SNX29: variants seen among roughly 807,000 people sequenced by gnomAD.
SNX29 encodes the protein sorting nexin-29.
In SNX29, 78 loss-of-function variants were observed where a neutral mutation model predicts 102.1. The ratio of observed to expected loss-of-function variants is 0.76; its 90% CI spans 0.64 to 0.92. The LOEUF is 0.92. Among genes scored for constraint, SNX29 ranks in the 40% least tolerant of loss-of-function variants. SNX29 has a pLI of 0.00. For missense variants in SNX29, 1,280 were observed against 1,061.7 expected (o/e 1.21, Z -2.86); for synonymous variants, 580 against 414.5 (o/e 1.40, Z -4.85).
At chr16:12,081,034 G>GA (rs1596805728) in intron 11 of SNX29, among the ~76,000 whole-genome samples, 1 of 151,896 alleles carries the variant, frequency 6.6e-6, no homozygotes, top group East Asian at 1.9e-4. Flanking sequence ...TTTATTTTTT[G>GA]AAAAAGGAAG....
At chr16:12,337,922 C>T (rs749445708) in intron 15 of SNX29, among the ~76,000 whole-genome samples, 22 of 152,136 alleles carry the variant, frequency 1.4e-4, no homozygotes, top group Non-Finnish European at 2.6e-4. Context: ...GAGGAACGGT[C>T]GGGTGACACT....
At chr16:11,986,405 A>C (rs939791110) in intron 1 of SNX29, among the ~76,000 whole-genome samples, 27 of 151,912 alleles carry the variant, frequency 1.8e-4, no homozygotes, top group Admixed American at 3.3e-4. Context: ...AAAACCCAAA[A>C]TGACATTAAA....
chr16:12,041,824 T>C (rs570657672), intron 4 of SNX29, among the ~76,000 whole-genome samples: 1 of 152,338 alleles, frequency 6.6e-6, no homozygotes, highest in African/African-American at 2.4e-5. Context: ...TAAGGTAATA[T>C]TCAGAGAATT....
intron 4 of SNX29, among the ~76,000 whole-genome samples, chr16:12,041,349 T>A (rs1412071828): frequency 1.3e-5 from 2 of 152,220 alleles, no homozygotes; most frequent in African/African-American, 4.8e-5. Flanking sequence ...TGACCTCAGA[T>A]GATCCGCTCG....
intron 19 of SNX29, among the ~76,000 whole-genome samples, chr16:12,486,170 C>T (rs538149836): frequency 2.6e-5 from 4 of 152,300 alleles, no homozygotes; most frequent in East Asian, 1.9e-4. Context: ...CTCTGTCTTC[C>T]GTGTTGCCTC....
chr16:12,263,966 C>T (rs1241405591), intron 14 of SNX29, among the ~76,000 whole-genome samples: 1 of 152,202 alleles, frequency 6.6e-6, no homozygotes, highest in Non-Finnish European at 1.5e-5. Flanking sequence ...ACTTCAATGA[C>T]CTCCACCACC....
At chr16:12,066,067 C>T (rs745398045) in intron 9 of SNX29, among the ~76,000 whole-genome samples, 1 of 152,188 alleles carries the variant, frequency 6.6e-6, no homozygotes, top group African/African-American at 2.4e-5. Context: ...GGGCAATCAC[C>T]TGGGACCGTG....
At chr16:12,497,156 A>T (rs542247500) in intron 19 of SNX29, among the ~76,000 whole-genome samples, 1 of 152,334 alleles carries the variant, frequency 6.6e-6, no homozygotes, top group Non-Finnish European at 1.5e-5. Context: ...TCTGGGGAGG[A>T]CAGCCACCTG....
chr16:12,389,727 C>T (rs758532363), intron 16 of SNX29, among the ~76,000 whole-genome samples: 1 of 152,170 alleles, frequency 6.6e-6, no homozygotes. Flanking sequence ...AACCTACCCT[C>T]ATAGGAGAAC....
At chr16:12,051,493 C>T (rs2050300762) in intron 7 of SNX29, among the ~76,000 whole-genome samples, 1 of 152,286 alleles carries the variant, frequency 6.6e-6, no homozygotes, top group South Asian at 2.1e-4. Context: ...CTACACCCCC[C>T]AGCTGGTTCT....
intron 16 of SNX29, among the ~76,000 whole-genome samples, chr16:12,361,833 G>A (rs12102608): frequency 0.52 from 78,778 of 151,932 alleles, 20,978 homozygotes; most frequent in Non-Finnish European, 0.59. Context: ...AAAAAAGGGT[G>A]AAATAAATTT....
chr16:12,300,234 G>A (rs1253243062), intron 15 of SNX29, among the ~76,000 whole-genome samples: 3 of 152,196 alleles, frequency 2.0e-5, no homozygotes, highest in Non-Finnish European at 4.4e-5. Context: ...TAATCTCCAT[G>A]TAGTTTTAAT....
intron 14 of SNX29, among the ~76,000 whole-genome samples, chr16:12,269,843 T>C (rs140129133): frequency 3.1e-3 from 335 of 107,814 alleles, no homozygotes; most frequent in Non-Finnish European, 4.5e-3. Context: ...ATCACCATCA[T>C]CATCATCATC....
At chr16:12,562,671 A>AC (rs1598076161) in intron 20 of SNX29, among the ~76,000 whole-genome samples, 3 of 152,098 alleles carry the variant, frequency 2.0e-5, no homozygotes, top group African/African-American at 7.2e-5. Flanking sequence ...GAAAGTCTAG[A>AC]TTTACAGGCA....
In SNX29 at chr16:12,356,380, G is replaced by A. The variant is rs569939816; in HGVS notation, c.1899+101G>A. On this transcript the variant is annotated intron_variant, in intron 16 of 20. Transcript: ENST00000566228. ...CAGAGCAAGCAACCATGCATCCACT[G>A]GCCAGATTTGCCCACATTCACCTCT... 30 of 1,071,130 alleles carry A rather than the reference G, an allele frequency of 2.8e-5. No individual in the cohort carries two copies. In the South Asian group the frequency reaches 4.2e-4, roughly 15 times the overall value. 66.4% of individuals were successfully genotyped at this position (1,071,130 alleles called of 1,614,324 possible). A position where few individuals can be genotyped will look rare whatever the true frequency, so the allele number is the denominator to read the frequency against.
chr16:12,418,230 T>C (rs1322688869), intron 18 of SNX29, among the ~76,000 whole-genome samples: 3 of 152,258 alleles, frequency 2.0e-5, no homozygotes, highest in Non-Finnish European at 2.9e-5. Flanking sequence ...GCCTTAACTC[T>C]AAATACCACT....
intron 11 of SNX29, among the ~76,000 whole-genome samples, chr16:12,116,867 T>A (rs112098640): frequency 0.021 from 2,659 of 123,958 alleles, 95 homozygotes; most frequent in African/African-American, 0.077. Flanking sequence ...GGAAACAGGC[T>A]TAGTCAATAC....
At position 12,518,855 on chromosome 16, in the gene SNX29, G is replaced by A. The variant is rs147985391; in HGVS notation, c.2179-5847G>A. Among the ~76,000 whole-genome samples, 50 of 152,282 alleles carry A rather than the reference G, an allele frequency of 3.3e-4. 1 individual carries two copies. In the South Asian group the frequency reaches 7.7e-3, roughly 23 times the overall value. ...GATTTCGCTGCATTCCCACAGAGCC[G>A]GTAAATGGTACTGCAGGTCTCTGAC... On this transcript the variant is annotated intron_variant, in intron 19 of 20. Transcript: ENST00000566228.
chr16:12,093,079 C>T (rs1460786539), intron 11 of SNX29, among the ~76,000 whole-genome samples: 1 of 152,206 alleles, frequency 6.6e-6, no homozygotes, highest in East Asian at 1.9e-4. Context: ...GGTGAATCAA[C>T]AACTGTCTTT....
Sources: gnomAD v4.1 joint callset for allele counts (sites outside exome capture counted in the v4.1 genomes callset) on GRCh38, gnomAD v4.1.1 for gene constraint, MANE v1.5 for transcripts, NCBI Gene and HGNC (gene_info 2026-07-23, HGNC 2026-07-21) for gene names.